Variants in ARL3 observed in about 807,000 individuals in gnomAD.
ARL3 encodes ARF like GTPase 3.
A neutral mutation model predicts 26.0 loss-of-function variants in ARL3; 9 were observed. The ratio of observed to expected loss-of-function variants is 0.35; its 90% CI spans 0.21 to 0.60. The LOEUF (loss-of-function observed/expected upper bound fraction) is 0.60, where lower values mean the gene tolerates loss of function less well. Ranked by LOEUF, ARL3 falls within the 20% of genes least tolerant of loss-of-function variation. The pLI is 0.78. For missense variants in ARL3, 158 were observed against 215.7 expected (o/e 0.73, Z 1.67); for synonymous variants, 71 against 78.4 (o/e 0.91, Z 0.50).
intron 5 of ARL3, among the ~76,000 whole-genome samples, chr10:102,681,427 T>G (rs1000708123): frequency 1.3e-5 from 2 of 150,596 alleles, no homozygotes; most frequent in Non-Finnish European, 3.0e-5. Context: ...CTGTGGCATA[T>G]TAGGGACAAG....
intron 1 of ARL3, among the ~76,000 whole-genome samples, chr10:102,708,900 ATATATATAT>A (rs1309542855): frequency 2.7e-5 from 3 of 111,614 alleles, no homozygotes; most frequent in African/African-American, 1.0e-4. Flanking sequence ...ATATATATAT[ATATATATAT>A]TTTTTTTTTT....
intron 3 of ARL3, among the ~76,000 whole-genome samples, chr10:102,694,050 T>G (rs757332988): frequency 6.6e-6 from 1 of 151,710 alleles, no homozygotes; most frequent in African/African-American, 2.4e-5. Context: ...TGCAGTGGTG[T>G]GATCTCGGCT....
chr10:102,709,133 TG>T (rs1157401312), intron 1 of ARL3, among the ~76,000 whole-genome samples: 11 of 151,648 alleles, frequency 7.3e-5, no homozygotes, highest in African/African-American at 2.4e-4. Context: ...CTCAAACTCC[TG>T]GCCTTAGGCA....
At chr10:102,698,446 T>C (rs761269422) in intron 3 of ARL3, among the ~76,000 whole-genome samples, 1 of 152,198 alleles carries the variant, frequency 6.6e-6, no homozygotes. Flanking sequence ...TTCATCATAA[T>C]TGATGTAAAC....
Position 102,703,425 on chromosome 10 carries a change from C to CTTTTTTTTT in ARL3, c.147+1912_147+1920dup, listed in dbSNP as rs57721161. Among the ~76,000 whole-genome samples, 38 of 48,486 alleles carry CTTTTTTTTT rather than the reference C, an allele frequency of 7.8e-4. 7 individuals carry two copies. Among genetic ancestry groups the CTTTTTTTTT allele is most frequent in the Non-Finnish European group, 1.0e-3 (27 of 26,542 alleles). 31.8% of individuals were successfully genotyped at this position (48,486 alleles called of 152,430 possible). A position where few individuals can be genotyped will look rare whatever the true frequency, so the allele number is the denominator to read the frequency against. Reference sequence around the variant, plus strand: ...ATGAGCCATGGTGCCCAGGACTTGTCTTTTTTTTTTTTTTTTTTTTTTTTT... The same window carrying CTTTTTTTTT: ...ATGAGCCATGGTGCCCAGGACTTGTCTTTTTTTTTTTTTTTTTTTTTTTTTTTTTTTTTT... On this transcript the variant is annotated intron_variant, in intron 2 of 5. Coordinates refer to ENST00000260746, the MANE Select transcript of ARL3 (RefSeq NM_004311.4).
chr10:102,676,801 G>A lies in ARL3; in HGVS notation c.*93C>T. 7.4e-7 allele frequency: 1 copy of A among 1,351,848 alleles called. No homozygotes were observed. The highest frequency in any genetic ancestry group is 1.0e-6 in the Non-Finnish European group (1 of 953,526). The allele number at this position is 1,351,848 out of a possible 1,614,324, so 83.7% of individuals were successfully genotyped here. A position where few individuals can be genotyped will look rare whatever the true frequency, so the allele number is the denominator to read the frequency against. ...CTTCAAACAGCTGGAGCTGTACACA[G>A]ATGGAAAAACATTTGGTCAGAAAGC... On this transcript the variant is annotated 3_prime_UTR_variant, in exon 6 of 6. Coordinates refer to ENST00000260746, the MANE Select transcript of ARL3 (RefSeq NM_004311.4).
At chr10:102,705,538 A>C in intron 1 of ARL3, 49 bp from the exon 2 acceptor site, 1 of 1,469,708 alleles carries the variant, frequency 6.8e-7, no homozygotes, top group Non-Finnish European at 9.2e-7. Flanking sequence ...ACTGACTGTG[A>C]TATTAACTGG....
At chr10:102,701,724 A>G (rs2064280396) in intron 2 of ARL3, among the ~76,000 whole-genome samples, 1 of 152,236 alleles carries the variant, frequency 6.6e-6, no homozygotes, top group East Asian at 1.9e-4. Flanking sequence ...GAATTTGACC[A>G]TATGTATCAA....
intron 1 of ARL3, among the ~76,000 whole-genome samples, chr10:102,708,970 T>A (rs2064324695): frequency 6.9e-6 from 1 of 145,608 alleles, no homozygotes; most frequent in South Asian, 2.2e-4. Flanking sequence ...AGTGGTGAAA[T>A]CATGGTTCAC....
chr10:102,686,930 C>A (rs1389453958), intron 4 of ARL3, among the ~76,000 whole-genome samples: 1 of 125,474 alleles, frequency 8.0e-6, no homozygotes, highest in Non-Finnish European at 1.6e-5. Flanking sequence ...GGCTGGAGTG[C>A]AGTGGCGCGA....
Position 102,714,324 on chromosome 10 carries a change from T to G in ARL3, c.-49A>C. 1 of 1,303,384 alleles carries G rather than the reference T, an allele frequency of 7.7e-7. No individual in the cohort carries two copies. The highest frequency in any genetic ancestry group is 9.8e-7 in the Non-Finnish European group (1 of 1,017,800). 80.7% of individuals were successfully genotyped at this position (1,303,384 alleles called of 1,614,324 possible). A position where few individuals can be genotyped will look rare whatever the true frequency, so the allele number is the denominator to read the frequency against. ...CCTCCTCCTCCTGCTGCCTCCCCCGTTACCAGGGGCAACTGCTGCGGCGCC... is the reference window on the plus strand; with the variant it reads ...CCTCCTCCTCCTGCTGCCTCCCCCGGTACCAGGGGCAACTGCTGCGGCGCC... On this transcript the variant is annotated 5_prime_UTR_variant, in exon 1 of 6. Transcript: ENST00000260746.
intron 2 of ARL3, 56 bp from the exon 3 acceptor site, chr10:102,699,545 C>A (rs898252936): frequency 3.1e-5 from 31 of 1,009,432 alleles, no homozygotes; most frequent in Non-Finnish European, 4.4e-5. Flanking sequence ...ATAATTCTGA[C>A]AAAGTTACAT....
In ARL3 at chr10:102,674,611, C is replaced by CT; in HGVS notation, c.*2282dup. On this transcript the variant is annotated 3_prime_UTR_variant, in exon 6 of 6. Transcript: ENST00000260746. ...TTCCCTTTCCAGCTTCAAATTCTGT[C>CT]TTCTGGTCAGGGGGCAGGAGTGGGC... The CT allele has an allele frequency of 6.6e-6, 1 of 152,072 alleles. No individual in the cohort carries two copies. Among genetic ancestry groups the CT allele is most frequent in the East Asian group, 1.9e-4 (1 of 5,130 alleles). 9.4% of individuals were successfully genotyped at this position (152,072 alleles called of 1,614,324 possible).
chr10:102,711,338 A>G (rs4917982), intron 1 of ARL3, among the ~76,000 whole-genome samples: 632 of 5,388 alleles, frequency 0.12, no homozygotes, highest in Middle Eastern at 0.25. Flanking sequence ...GTGTGTGTGT[A>G]TATATATATA....
chr10:102,697,746 T>C (rs565266418), intron 3 of ARL3, among the ~76,000 whole-genome samples: 1 of 151,308 alleles, frequency 6.6e-6, no homozygotes, highest in East Asian at 1.9e-4. Flanking sequence ...AAAATAGCAA[T>C]GGAGATTTAG....
rs191543326 is a variant in ARL3 at position 102,700,228 on chromosome 10, G to T, written c.148-739C>A. Among the ~76,000 whole-genome samples, 211 of 152,074 alleles carry T rather than the reference G, an allele frequency of 1.4e-3. 1 individual carries two copies. Among genetic ancestry groups the T allele is most frequent in the African/African-American group, 4.8e-3 (199 of 41,512 alleles). On this transcript the variant is annotated intron_variant, in intron 2 of 5. Transcript: ENST00000260746. ...GTTCGAGATCAGCCTGGTCAATATG[G>T]TGAAACACCGTCTCTACTAAAAATA...
chr10:102,705,234 T>C, intron 2 of ARL3, 112 bp downstream of exon 2: 1 of 1,310,424 alleles, frequency 7.6e-7, no homozygotes, highest in South Asian at 1.9e-5. Flanking sequence ...TATAGACTTT[T>C]CTCAGAGACA....
intron 2 of ARL3, among the ~76,000 whole-genome samples, chr10:102,703,879 G>A (rs1045153469): frequency 1.3e-5 from 2 of 151,768 alleles, no homozygotes; most frequent in African/African-American, 4.8e-5. Context: ...GCCGGGCAAG[G>A]TGGTTCACGC....
intron 1 of ARL3, among the ~76,000 whole-genome samples, chr10:102,712,639 A>C (rs1165989890): frequency 6.6e-6 from 1 of 152,238 alleles, no homozygotes; most frequent in East Asian, 1.9e-4. Context: ...AAATTAAACA[A>C]TCATGGATTA....
Sources: gnomAD v4.1 joint callset for allele counts (sites outside exome capture counted in the v4.1 genomes callset) on GRCh38, gnomAD v4.1.1 for gene constraint, MANE v1.5 for transcripts, NCBI Gene and HGNC (gene_info 2026-07-23, HGNC 2026-07-21) for gene names.